The following CHEK1 variants were observed in gnomAD, a reference collection of about 807,000 sequenced individuals.
CHEK1 encodes the protein checkpoint kinase 1, also known as serine/threonine-protein kinase Chk1.
Under a neutral mutation model 60.2 loss-of-function variants are expected in CHEK1, and 32 were observed. The observed-to-expected ratio is 0.53, with a 90% CI of 0.40 to 0.71. The LOEUF (loss-of-function observed/expected upper bound fraction) is 0.71. Among genes scored for constraint, CHEK1 ranks in the 30% least tolerant of loss-of-function variants. The pLI is 0.00. For missense variants in CHEK1, 399 were observed against 564.6 expected, an observed-to-expected ratio of 0.71 and a Z score of 2.97; for synonymous variants, 179 against 187.2, an observed-to-expected ratio of 0.96 and a Z score of 0.36.
intron 2 of CHEK1, among the ~76,000 whole-genome samples, chr11:125,627,163 T>C (rs1049279380): frequency 9.2e-5 from 14 of 152,182 alleles, no homozygotes; most frequent in Non-Finnish European, 1.3e-4. Context: ...CTGGTCATTG[T>C]TTTGTGATCT....
intron 13 of CHEK1, chr11:125,671,954 T>A (rs1344477224): frequency 6.6e-6 from 1 of 152,236 alleles, no homozygotes; most frequent in Non-Finnish European, 1.5e-5. Context: ...AAAAAAATGA[T>A]TTAAGCATTA....
downstream of CHEK1, chr11:125,677,787 C>T (rs766204306): frequency 3.7e-6 from 6 of 1,612,964 alleles, no homozygotes; most frequent in South Asian, 6.6e-5. Context: ...CCCATCCAAA[C>T]ATGGCTCACC....
chr11:125,676,552 G>A (rs910303961), downstream of CHEK1: 5 of 1,568,380 alleles, frequency 3.2e-6, no homozygotes, highest in Admixed American at 6.7e-5. Flanking sequence ...ATCTGGGAGG[G>A]GTAATGGGCA....
intron 8 of CHEK1, among the ~76,000 whole-genome samples, chr11:125,638,270 A>G (rs1450820578): frequency 6.6e-6 from 1 of 151,996 alleles, no homozygotes; most frequent in African/African-American, 2.4e-5. Flanking sequence ...ATGAATAGGG[A>G]AAGATTCAGG....
At chr11:125,669,174 A>G (rs2134095156) in intron 13 of CHEK1, among the ~76,000 whole-genome samples, 1 of 152,210 alleles carries the variant, frequency 6.6e-6, no homozygotes, top group South Asian at 2.1e-4. Context: ...CAGGGTTTCC[A>G]CGTGGTATTG....
At chr11:125,642,730 G>C (rs1442286332) in intron 8 of CHEK1, 2 of 152,146 alleles carry the variant, frequency 1.3e-5, no homozygotes, top group African/African-American at 4.8e-5. Context: ...CATTTGATGG[G>C]AGAATGGAAG....
At chr11:125,677,728 G>T (rs930010512), downstream of CHEK1, 9 of 1,582,652 alleles carry the variant, frequency 5.7e-6, no homozygotes, top group African/African-American at 1.1e-4. Context: ...CCTAAAATTG[G>T]GTTTTCTTGA....
At chr11:125,654,294 C>T (rs571887879) in intron 12 of CHEK1, among the ~76,000 whole-genome samples, 27 of 152,206 alleles carry the variant, frequency 1.8e-4, no homozygotes, top group Non-Finnish European at 2.8e-4. Context: ...GACGCCACTG[C>T]ACTCCAGTCT....
In CHEK1 at chr11:125,655,576, A is replaced by G. The variant is rs937212660; in HGVS notation, c.*256A>G. The G allele has an allele frequency of 2.5e-4, 75 of 301,196 alleles. No homozygotes were observed. Among genetic ancestry groups the G allele is most frequent in the Admixed American group, 1.5e-4 (3 of 19,812 alleles). The allele number at this position is 301,196 out of a possible 1,614,324, so 18.7% of individuals were successfully genotyped here. A position where few individuals can be genotyped will look rare whatever the true frequency, so the allele number is the denominator to read the frequency against. ...GATTATTTCTTCATGTGTGTTTAGTATCTGAATTTGAAACTCATCTGGTGG... is the reference window on the plus strand; with the variant it reads ...GATTATTTCTTCATGTGTGTTTAGTGTCTGAATTTGAAACTCATCTGGTGG... On this transcript the variant is annotated 3_prime_UTR_variant, in exon 13 of 13. Coordinates refer to ENST00000438015, the MANE Select transcript of CHEK1 (RefSeq NM_001114122.3).
intron 13 of CHEK1, among the ~76,000 whole-genome samples, chr11:125,665,475 T>C (rs1942083047): frequency 2.0e-5 from 3 of 152,220 alleles, no homozygotes; most frequent in South Asian, 4.2e-4. Flanking sequence ...ATTTTGGTAT[T>C]ATGGTAATGC....
intron 13 of CHEK1, chr11:125,672,855 T>C: frequency 8.7e-7 from 1 of 1,143,578 alleles, no homozygotes; most frequent in Non-Finnish European, 1.2e-6. Flanking sequence ...CTCTTCTATT[T>C]GCTTCCTCTG....
At chr11:125,658,023 C>T (rs970889454), downstream of CHEK1, among the ~76,000 whole-genome samples, 5 of 152,162 alleles carry the variant, frequency 3.3e-5, no homozygotes, top group African/African-American at 1.2e-4. Context: ...CAAATTTTCA[C>T]CTACAGTTGG....
chr11:125,631,000 C>A (rs1394601515), intron 5 of CHEK1, among the ~76,000 whole-genome samples: 1 of 152,074 alleles, frequency 6.6e-6, no homozygotes, highest in Non-Finnish European at 1.5e-5. Context: ...CAAAAGAATT[C>A]ATATGGTCTG....
downstream of CHEK1, among the ~76,000 whole-genome samples, chr11:125,679,942 AT>A (rs1942718814): frequency 6.6e-6 from 1 of 152,226 alleles, no homozygotes; most frequent in Admixed American, 6.5e-5. Context: ...ACAAGTTTTG[AT>A]AAAGAGATGT....
chr11:125,637,052 AGTTATTGGTAAGTAAAT>A, intron 7 of CHEK1, among the ~76,000 whole-genome samples: 1 of 152,318 alleles, frequency 6.6e-6, no homozygotes, highest in South Asian at 2.1e-4. Context: ...TCTCTTAAAA[AGTTATTGGTAAGTAAAT>A]GTTCATTATA....
At chr11:125,629,333 T>C in intron 4 of CHEK1, 37 bp downstream of exon 4, 2 of 1,612,740 alleles carry the variant, frequency 1.2e-6, no homozygotes, top group Non-Finnish European at 8.5e-7. Context: ...TACTTAAAAT[T>C]AGAGTGAATA....
At chr11:125,651,165 T>C (rs1941712639) in intron 11 of CHEK1, among the ~76,000 whole-genome samples, 1 of 152,156 alleles carries the variant, frequency 6.6e-6, no homozygotes, top group Non-Finnish European at 1.5e-5. Context: ...CCAGTTGCTT[T>C]CATTGCTTCA....
chr11:125,646,160 C>T (rs1941496446), intron 11 of CHEK1, among the ~76,000 whole-genome samples: 1 of 151,932 alleles, frequency 6.6e-6, no homozygotes. Flanking sequence ...TGCTCCATTC[C>T]CAGACAACCT....
intron 11 of CHEK1, among the ~76,000 whole-genome samples, chr11:125,652,342 A>G (rs1941767210): frequency 6.6e-6 from 1 of 152,192 alleles, no homozygotes; most frequent in Non-Finnish European, 1.5e-5. Context: ...GGAACGTTCT[A>G]AAAGACTGAA....
Sources: gnomAD v4.1 joint callset for allele counts (sites outside exome capture counted in the v4.1 genomes callset) on GRCh38, gnomAD v4.1.1 for gene constraint, MANE v1.5 for transcripts, NCBI Gene and HGNC (gene_info 2026-07-23, HGNC 2026-07-21) for gene names.